The following IMMP1L variants were observed in gnomAD, a reference collection of about 807,000 sequenced individuals.
IMMP1L encodes the protein mitochondrial inner membrane protease subunit 1.
A neutral mutation model predicts 21.8 loss-of-function variants in IMMP1L; 24 were observed. That is an observed-to-expected ratio of 1.10 (90% CI 0.80 to 1.55). IMMP1L has a LOEUF of 1.55. Among genes scored for constraint, IMMP1L ranks in the 40% most tolerant of loss-of-function variants. The probability of loss-of-function intolerance (pLI) is 0.00; values close to 1 mark genes in which losing one functional copy is unlikely to be tolerated. For missense variants in IMMP1L, 195 were observed against 200.7 expected (o/e 0.97, Z 0.17); for synonymous variants, 46 against 62.8 (o/e 0.73, Z 1.26).
intron 4 of IMMP1L, among the ~76,000 whole-genome samples, chr11:31,444,688 C>T (rs1953456677): frequency 6.6e-6 from 1 of 151,250 alleles, no homozygotes; most frequent in South Asian, 2.1e-4. Flanking sequence ...CACCTGGGTT[C>T]AAGCGATTCC....
chr11:31,505,302 G>A lies in IMMP1L; in HGVS notation c.-30+4217C>T, dbSNP rs563909239. On this transcript the variant is annotated intron_variant, in intron 1 of 5. Transcript: ENST00000532287. Reference sequence around the variant, plus strand: ...GAAAAAATAAAAAATAAAAAACGTCGGGAGGGAATAGTTGTTTAAGATAGG... The same window carrying A: ...GAAAAAATAAAAAATAAAAAACGTCAGGAGGGAATAGTTGTTTAAGATAGG... 7.9e-5 allele frequency among the ~76,000 whole-genome samples: 12 copies of A among 152,244 alleles called. No individual in the cohort carries two copies. In the South Asian group the frequency reaches 1.0e-3, roughly 13 times the overall value.
intron 4 of IMMP1L, chr11:31,453,089 A>C (rs1319822483): frequency 3.1e-6 from 4 of 1,289,376 alleles, no homozygotes; most frequent in Non-Finnish European, 4.0e-6. Flanking sequence ...TAGTTTCCAA[A>C]TACCTAACAG....
intron 1 of IMMP1L, among the ~76,000 whole-genome samples, chr11:31,478,349 T>C (rs1564997345): frequency 6.6e-6 from 1 of 152,222 alleles, no homozygotes; most frequent in East Asian, 1.9e-4. Context: ...ATAGCACAAA[T>C]GTTATTCTTT....
At chr11:31,459,364 A>G (rs1282187615) in intron 3 of IMMP1L, among the ~76,000 whole-genome samples, 1 of 152,216 alleles carries the variant, frequency 6.6e-6, no homozygotes, top group Non-Finnish European at 1.5e-5. Context: ...GCCATAAACT[A>G]AACACTAGCT....
intron 1 of IMMP1L, among the ~76,000 whole-genome samples, chr11:31,472,962 T>C (rs1406550340): frequency 6.6e-6 from 1 of 152,124 alleles, no homozygotes; most frequent in Non-Finnish European, 1.5e-5. Context: ...GCCTCCCAGG[T>C]TCACACCATT....
At chr11:31,478,157 A>G (rs896386301) in intron 1 of IMMP1L, among the ~76,000 whole-genome samples, 2 of 152,246 alleles carry the variant, frequency 1.3e-5, no homozygotes, top group Non-Finnish European at 2.9e-5. Context: ...GAATGATATC[A>G]GGGGACTATC....
intron 4 of IMMP1L, among the ~76,000 whole-genome samples, chr11:31,447,945 TG>T (rs1428966061): frequency 6.6e-6 from 1 of 152,196 alleles, no homozygotes; most frequent in African/African-American, 2.4e-5. Flanking sequence ...TTCATTTACT[TG>T]CTTATTCCAA....
At chr11:31,477,183 C>G (rs887875659) in intron 1 of IMMP1L, 8 of 152,056 alleles carry the variant, frequency 5.3e-5, no homozygotes, top group African/African-American at 1.9e-4. Context: ...ACAGGTAAAA[C>G]ATATGACGAA....
At chr11:31,493,169 CT>C (rs1240503337) in intron 1 of IMMP1L, among the ~76,000 whole-genome samples, 3 of 152,158 alleles carry the variant, frequency 2.0e-5, no homozygotes, top group Non-Finnish European at 4.4e-5. Context: ...CATTTTCATG[CT>C]GCTATAAAGA....
chr11:31,457,719 T>C (rs557381118), intron 3 of IMMP1L, among the ~76,000 whole-genome samples: 1 of 152,234 alleles, frequency 6.6e-6, no homozygotes, highest in African/African-American at 2.4e-5. Context: ...CCCTAACAAC[T>C]AAATCAAAGA....
At chr11:31,480,094 T>C (rs1226457697) in intron 1 of IMMP1L, among the ~76,000 whole-genome samples, 1 of 152,050 alleles carries the variant, frequency 6.6e-6, no homozygotes, top group African/African-American at 2.4e-5. Context: ...AAAAGACTAG[T>C]GAGGTCTGTG....
chr11:31,483,079 T>A (rs1954955109), intron 1 of IMMP1L, among the ~76,000 whole-genome samples: 1 of 151,982 alleles, frequency 6.6e-6, no homozygotes, highest in South Asian at 2.1e-4. Context: ...CTGTATAATT[T>A]TCTATATATA....
intron 1 of IMMP1L, among the ~76,000 whole-genome samples, chr11:31,466,233 G>C (rs542038430): frequency 6.6e-6 from 1 of 152,136 alleles, no homozygotes; most frequent in East Asian, 1.9e-4. Context: ...CAGTTAGATT[G>C]ATTATTATCA....
chr11:31,507,046 G>A (rs563680890), intron 1 of IMMP1L, among the ~76,000 whole-genome samples: 38 of 152,164 alleles, frequency 2.5e-4, no homozygotes, highest in South Asian at 2.3e-3. Context: ...TTGGGAGGCC[G>A]AGGTGGGCGG....
chr11:31,445,447 T>C (rs918096098), intron 4 of IMMP1L, among the ~76,000 whole-genome samples: 4 of 152,196 alleles, frequency 2.6e-5, no homozygotes, highest in African/African-American at 7.2e-5. Context: ...GAAAAACAGA[T>C]TTATATCTGA....
rs760544797 is a variant in IMMP1L, at chr11:31,456,405, A to G, written c.195-19T>C. 1.9e-6 allele frequency: 3 copies of G among 1,603,120 alleles called. No homozygotes were observed. The highest frequency in any genetic ancestry group is 2.6e-6 in the Non-Finnish European group (3 of 1,172,456). ...GTCACCTCTGAGGGGGAAAAGTCAA[A>G]GAAATGTCTGTATTATTTATTAAGC... On this transcript the variant is annotated intron_variant, in intron 3 of 5. Coordinates refer to ENST00000532287, the MANE Select transcript of IMMP1L (RefSeq NM_001304274.2).
chr11:31,451,524 T>G (rs1953757161), intron 4 of IMMP1L, among the ~76,000 whole-genome samples: 1 of 152,118 alleles, frequency 6.6e-6, no homozygotes, highest in South Asian at 2.1e-4. Context: ...TAAGGATAAC[T>G]CTAAGGTTTG....
At chr11:31,451,845 A>C (rs1172071361) in intron 4 of IMMP1L, among the ~76,000 whole-genome samples, 1 of 152,226 alleles carries the variant, frequency 6.6e-6, no homozygotes, top group Non-Finnish European at 1.5e-5. Context: ...AGTTAACTTC[A>C]GGGTTTGAAG....
At chr11:31,447,983 T>C (rs1458020462) in intron 4 of IMMP1L, among the ~76,000 whole-genome samples, 1 of 152,164 alleles carries the variant, frequency 6.6e-6, no homozygotes, top group Non-Finnish European at 1.5e-5. Flanking sequence ...TTTCACTTAC[T>C]CAACAGCAGT....
Sources: allele counts gnomAD v4.1 joint callset (sites outside exome capture counted in the v4.1 genomes callset), GRCh38; gene constraint gnomAD v4.1.1; transcripts MANE v1.5; gene names NCBI Gene and HGNC (gene_info 2026-07-23, HGNC 2026-07-21).